IGF2BP2: variants seen among roughly 807,000 people sequenced by gnomAD.
The protein encoded by IGF2BP2 is insulin like growth factor 2 mRNA binding protein 2.
IGF2BP2 carries 17 observed loss-of-function variants against 75.8 expected under a neutral mutation model. That is an observed-to-expected ratio of 0.22 (90% CI 0.15 to 0.34). The LOEUF (loss-of-function observed/expected upper bound fraction) is 0.34, where lower values mean the gene tolerates loss of function less well. Ranked by LOEUF, IGF2BP2 falls within the 10% of genes least tolerant of loss-of-function variation. The pLI, the probability that IGF2BP2 is intolerant of heterozygous loss-of-function variation, is 1.00. For missense variants in IGF2BP2, 516 were observed against 772.4 expected (o/e 0.67, Z 3.93); for synonymous variants, 288 against 295.6 (o/e 0.97, Z 0.26).
At chr3:185,738,249 A>G (rs1729101978) in intron 2 of IGF2BP2, among the ~76,000 whole-genome samples, 1 of 152,194 alleles carries the variant, frequency 6.6e-6, no homozygotes, top group Admixed American at 6.5e-5. Context: ...AGTGCCTATT[A>G]TTTTCCAGGC....
chr3:185,792,784 C>T (rs1250450603), intron 2 of IGF2BP2, among the ~76,000 whole-genome samples: 1 of 149,358 alleles, frequency 6.7e-6, no homozygotes, highest in Non-Finnish European at 1.5e-5. Flanking sequence ...AAAAAAAATA[C>T]AGAGGTGCAA....
chr3:185,697,747 A>G (rs1285928792), intron 3 of IGF2BP2, among the ~76,000 whole-genome samples: 2 of 152,122 alleles, frequency 1.3e-5, no homozygotes, highest in Non-Finnish European at 2.9e-5. Flanking sequence ...AAATCATGAG[A>G]TACAAGGCAG....
At chr3:185,676,600 G>C (rs950527906) in intron 7 of IGF2BP2, among the ~76,000 whole-genome samples, 2 of 151,622 alleles carry the variant, frequency 1.3e-5, no homozygotes, top group African/African-American at 4.9e-5. Context: ...TTGAGCCAGG[G>C]AGGCCAAAGC....
intron 2 of IGF2BP2, among the ~76,000 whole-genome samples, chr3:185,704,941 CATAA>C (rs747777791): frequency 1.3e-5 from 2 of 152,158 alleles, no homozygotes; most frequent in Admixed American, 6.5e-5. Context: ...ATGTGTTCAA[CATAA>C]ATAAACTGTT....
chr3:185,753,165 T>C (rs546921746), intron 2 of IGF2BP2, among the ~76,000 whole-genome samples: 1 of 152,328 alleles, frequency 6.6e-6, no homozygotes, highest in South Asian at 2.1e-4. Flanking sequence ...CAGAATTACC[T>C]TTCCAATACC....
At chr3:185,753,783 T>C (rs1434441293) in intron 2 of IGF2BP2, among the ~76,000 whole-genome samples, 1 of 152,134 alleles carries the variant, frequency 6.6e-6, no homozygotes, top group Non-Finnish European at 1.5e-5. Flanking sequence ...TGATTCCCAA[T>C]GTTGGAGGTG....
At chr3:185,802,174 A>C (rs1738376469) in intron 2 of IGF2BP2, among the ~76,000 whole-genome samples, 1 of 152,092 alleles carries the variant, frequency 6.6e-6, no homozygotes, top group South Asian at 2.1e-4. Flanking sequence ...AGAACTTAAA[A>C]TTAGAAAAAA....
chr3:185,698,706 G>A (rs1209743378), intron 2 of IGF2BP2, among the ~76,000 whole-genome samples: 2 of 152,070 alleles, frequency 1.3e-5, no homozygotes, highest in African/African-American at 4.8e-5. Context: ...TTGGCTCACT[G>A]CAACCTCTGC....
At chr3:185,704,586 G>A (rs1723753625) in intron 2 of IGF2BP2, among the ~76,000 whole-genome samples, 2 of 152,076 alleles carry the variant, frequency 1.3e-5, no homozygotes, top group African/African-American at 4.8e-5. Flanking sequence ...AGCAGCTGGG[G>A]CTACAGGCCC....
intron 10 of IGF2BP2, among the ~76,000 whole-genome samples, chr3:185,665,425 AAGGAGGAGGAGGAGAAGG>A (rs1717297706): frequency 2.5e-5 from 1 of 40,230 alleles, no homozygotes; most frequent in East Asian, 5.7e-4. Context: ...GGAGAAGGAG[AAGGAGGAGGAGGAGAAGG>A]AGGAGGAGGA....
intron 10 of IGF2BP2, 38 bp downstream of exon 10, chr3:185,672,503 C>A: frequency 6.2e-7 from 1 of 1,601,024 alleles, no homozygotes. Flanking sequence ...TGGAGGTGCC[C>A]AGCGCATAAG....
chr3:185,815,508 C>T (rs1288719723), intron 2 of IGF2BP2, among the ~76,000 whole-genome samples: 1 of 152,148 alleles, frequency 6.6e-6, no homozygotes, highest in Non-Finnish European at 1.5e-5. Flanking sequence ...AGCTTTAGAG[C>T]CCTTTGTGTA....
chr3:185,689,526 G>A lies in IGF2BP2; in HGVS notation c.506C>T (p.Ala169Val). ...EVSSPSPPQRAQRGDHSSREQ... is the reference protein window; with the variant it reads ...EVSSPSPPQRVQRGDHSSREQ... ...CCGGGAAGAGTGGTCCCCACGCTGG[G>A]CTCGCTGAGGGGGCGAAGGGGAGCT... Residue 169 changes from alanine to valine, a missense_variant, in exon 6 of 16, where the codon GCC (alanine) becomes GTC (valine). Physicochemically the swap from Ala to Val is moderately conservative, Grantham distance 64. Coordinates refer to ENST00000382199, the MANE Select transcript of IGF2BP2 (RefSeq NM_006548.6). 4.3e-6 allele frequency: 7 copies of A among 1,614,216 alleles called. No individual in the cohort carries two copies. Among genetic ancestry groups the A allele is most frequent in the Non-Finnish European group, 5.1e-6 (6 of 1,180,036 alleles).
chr3:185,666,128 G>A (rs1311539830), intron 10 of IGF2BP2, among the ~76,000 whole-genome samples: 1 of 152,160 alleles, frequency 6.6e-6, no homozygotes, highest in African/African-American at 2.4e-5. Flanking sequence ...GACACTTTCA[G>A]ATACAGAAAG....
chr3:185,698,219 C>T, intron 3 of IGF2BP2, 80 bp downstream of exon 3: 1 of 1,237,678 alleles, frequency 8.1e-7, no homozygotes, highest in Non-Finnish European at 1.2e-6. Flanking sequence ...ACACTGAGGC[C>T]CTCTAATTCC....
intron 2 of IGF2BP2, among the ~76,000 whole-genome samples, chr3:185,731,425 T>C (rs1410995131): frequency 6.6e-6 from 1 of 151,834 alleles, no homozygotes; most frequent in Non-Finnish European, 1.5e-5. Context: ...TTTGTATTTT[T>C]AATAGAGACT....
intron 2 of IGF2BP2, among the ~76,000 whole-genome samples, chr3:185,782,856 G>T (rs1735385729): frequency 6.6e-6 from 1 of 152,160 alleles, no homozygotes; most frequent in Non-Finnish European, 1.5e-5. Flanking sequence ...TTCTGGCATG[G>T]TCACCAAGTA....
At chr3:185,778,050 C>T (rs1339870143) in intron 2 of IGF2BP2, among the ~76,000 whole-genome samples, 1 of 152,180 alleles carries the variant, frequency 6.6e-6, no homozygotes, top group East Asian at 1.9e-4. Context: ...TGGAGGCTCG[C>T]TGAGCATTGT....
At chr3:185,773,520 A>T (rs112177743) in intron 2 of IGF2BP2, among the ~76,000 whole-genome samples, 345 of 152,368 alleles carry the variant, frequency 2.3e-3, no homozygotes, top group Non-Finnish European at 4.1e-3. Context: ...TTTAAAATTC[A>T]GTGTTTATGC....
Sources: allele counts gnomAD v4.1 joint callset (sites outside exome capture counted in the v4.1 genomes callset), GRCh38; gene constraint gnomAD v4.1.1; transcripts MANE v1.5; gene names NCBI Gene and HGNC (gene_info 2026-07-23, HGNC 2026-07-21).